ITGA9: variants seen among roughly 807,000 people sequenced by gnomAD.
The protein encoded by ITGA9 is integrin subunit alpha 9.
Under a neutral mutation model 127.8 loss-of-function variants are expected in ITGA9, and 56 were observed. The ratio of observed to expected loss-of-function variants is 0.44; its 90% CI spans 0.35 to 0.55. The LOEUF (loss-of-function observed/expected upper bound fraction) is 0.55, where lower values mean the gene tolerates loss of function less well. Ranked by LOEUF, ITGA9 falls within the 20% of genes least tolerant of loss-of-function variation. The pLI is 0.00. For synonymous variants in ITGA9, 508 were observed against 514.5 expected, an observed-to-expected ratio of 0.99 and a Z score of 0.17; for missense variants, 1,196 against 1,347.1, an observed-to-expected ratio of 0.89 and a Z score of 1.76.
At chr3:37,523,283 C>G (rs558247229) in intron 11 of ITGA9, among the ~76,000 whole-genome samples, 1 of 152,118 alleles carries the variant, frequency 6.6e-6, no homozygotes, top group South Asian at 2.1e-4. Context: ...TTTTCATTAA[C>G]ACAGAACTTA....
chr3:37,729,584 A>AGTTG (rs1464185526), intron 18 of ITGA9, among the ~76,000 whole-genome samples: 1 of 152,172 alleles, frequency 6.6e-6, no homozygotes, highest in Non-Finnish European at 1.5e-5. Flanking sequence ...CTGTTGTCTT[A>AGTTG]GGTCAAAGCT....
chr3:37,575,148 A>G (rs1020982938), intron 15 of ITGA9, among the ~76,000 whole-genome samples: 4 of 152,000 alleles, frequency 2.6e-5, no homozygotes, highest in African/African-American at 9.7e-5. Context: ...ACCCCAAGGT[A>G]CCCGTGCCCT....
intron 26 of ITGA9, 60 bp from the exon 27 acceptor site, chr3:37,803,763 G>T: frequency 6.3e-7 from 1 of 1,598,504 alleles, no homozygotes; most frequent in Non-Finnish European, 8.6e-7. Flanking sequence ...GACAGAACAA[G>T]ACTCTGTCTC....
chr3:37,603,073 C>G (rs1283080691), intron 15 of ITGA9, among the ~76,000 whole-genome samples: 1 of 152,212 alleles, frequency 6.6e-6, no homozygotes, highest in South Asian at 2.1e-4. Flanking sequence ...GCACGCTACA[C>G]CCTAGCCTTT....
chr3:37,773,615 G>T (rs1025214665), intron 23 of ITGA9, among the ~76,000 whole-genome samples: 2 of 151,730 alleles, frequency 1.3e-5, no homozygotes, highest in African/African-American at 4.8e-5. Flanking sequence ...AACTTAATAG[G>T]AATCAGAACT....
chr3:37,672,442 G>A (rs559661318), intron 17 of ITGA9, among the ~76,000 whole-genome samples: 96 of 152,182 alleles, frequency 6.3e-4, no homozygotes, highest in African/African-American at 2.2e-3. Flanking sequence ...TTCACCTTCC[G>A]CCATGGTTGT....
intron 18 of ITGA9, among the ~76,000 whole-genome samples, chr3:37,725,047 C>T (rs1701231644): frequency 6.6e-6 from 1 of 152,176 alleles, no homozygotes; most frequent in African/African-American, 2.4e-5. Context: ...TCCCATCTGC[C>T]TCTGATCTTT....
chr3:37,490,230 C>T (rs562594357), intron 4 of ITGA9, among the ~76,000 whole-genome samples: 11 of 152,106 alleles, frequency 7.2e-5, no homozygotes, highest in East Asian at 1.9e-4. Context: ...TTAGAACTGG[C>T]GGGAAAGTTG....
intron 15 of ITGA9, among the ~76,000 whole-genome samples, chr3:37,599,923 C>T (rs899177243): frequency 6.6e-6 from 1 of 152,108 alleles, no homozygotes; most frequent in Non-Finnish European, 1.5e-5. Flanking sequence ...AGATCATCAC[C>T]TCTGTAATGG....
chr3:37,801,022 G>A (rs567517362), intron 26 of ITGA9, among the ~76,000 whole-genome samples: 22 of 152,212 alleles, frequency 1.4e-4, no homozygotes, highest in South Asian at 1.2e-3. Context: ...AAAATCAGCC[G>A]AGTGTGGTGG....
chr3:37,707,895 G>C (rs564782317), intron 18 of ITGA9, among the ~76,000 whole-genome samples: 1 of 152,148 alleles, frequency 6.6e-6, no homozygotes, highest in Admixed American at 6.5e-5. Flanking sequence ...CTCTGCAAAG[G>C]GGGTGGGTGA....
intron 18 of ITGA9, among the ~76,000 whole-genome samples, chr3:37,686,950 C>G (rs752784269): frequency 1.1e-4 from 17 of 152,178 alleles, no homozygotes; most frequent in South Asian, 2.1e-4. Flanking sequence ...AGAGCCCCCC[C>G]AACCTGCTTA....
At chr3:37,631,260 G>A (rs1219276566) in intron 16 of ITGA9, among the ~76,000 whole-genome samples, 1 of 152,186 alleles carries the variant, frequency 6.6e-6, no homozygotes, top group Non-Finnish European at 1.5e-5. Flanking sequence ...CCAGCATCTT[G>A]CTAGCCTGGA....
chr3:37,608,708 C>T (rs150892913), intron 15 of ITGA9, among the ~76,000 whole-genome samples: 136 of 152,272 alleles, frequency 8.9e-4, no homozygotes, highest in African/African-American at 3.2e-3. Flanking sequence ...AAGTTGAAGA[C>T]ATAAATACTG....
chr3:37,637,913 T>A (rs906245122), intron 16 of ITGA9, among the ~76,000 whole-genome samples: 1 of 152,162 alleles, frequency 6.6e-6, no homozygotes, highest in Non-Finnish European at 1.5e-5. Context: ...CCTCAGGTGA[T>A]CTGTCCGCCT....
At position 37,597,794 on chromosome 3, in the gene ITGA9, C is replaced by G. The variant is rs1699882981; in HGVS notation, c.1690-31393C>G. ...GCAGTGGCTTGGCTAGCTGGCTCTGCTGATTTGGGCAGGGCTTGTTCATAT... is the reference window on the plus strand; with the variant it reads ...GCAGTGGCTTGGCTAGCTGGCTCTGGTGATTTGGGCAGGGCTTGTTCATAT... On this transcript the variant is annotated intron_variant, in intron 15 of 27. Transcript: ENST00000264741. This position sits in a 1 kb window ranked among gnomAD's most constrained non-coding sequence, Gnocchi z 4.6. 6.6e-6 allele frequency among the ~76,000 whole-genome samples: 1 copy of G among 152,186 alleles called. No individual in the cohort carries two copies. Among genetic ancestry groups the G allele is most frequent in the Admixed American group, 6.5e-5 (1 of 15,278 alleles).
At chr3:37,471,873 G>A (rs756582529) in intron 2 of ITGA9, among the ~76,000 whole-genome samples, 3 of 152,174 alleles carry the variant, frequency 2.0e-5, no homozygotes, top group Non-Finnish European at 2.9e-5. Flanking sequence ...GTGCAACATG[G>A]TGAAAGCCTA....
In ITGA9 at chr3:37,803,900, G is replaced by A. The variant is rs57272224; in HGVS notation, c.2967G>A (p.Val989=). The change falls in exon 27 of 28, where the codon GTG becomes GTA. Residue 989 remains valine (V), a synonymous_variant. Coordinates refer to ENST00000264741, the MANE Select transcript of ITGA9 (RefSeq NM_002207.3). ...VGWIIAISLL[V]GILIFLLLAV... ...GGATCATCGCCATCAGTTTGTTGGT[G>A]GGAATCCTCATCTTCCTGCTGCTGG... The A allele has an allele frequency of 2.7e-3, 4,417 of 1,614,140 alleles. 97 individuals carry two copies. The African/African-American group carries it at 0.052, about 19-fold the overall frequency.
At chr3:37,659,239 G>C (rs1700509329) in intron 17 of ITGA9, among the ~76,000 whole-genome samples, 1 of 152,072 alleles carries the variant, frequency 6.6e-6, no homozygotes, top group Admixed American at 6.5e-5. Flanking sequence ...TCTAGGTTGG[G>C]GAAGTTCTCC....
Sources: allele counts gnomAD v4.1 joint callset (sites outside exome capture counted in the v4.1 genomes callset), GRCh38; gene constraint gnomAD v4.1.1; non-coding constraint Gnocchi (gnomAD v3.1); transcripts MANE v1.5; gene names NCBI Gene and HGNC (gene_info 2026-07-23, HGNC 2026-07-21).